PAX2: variants seen among roughly 807,000 people sequenced by gnomAD.
PAX2 encodes the protein paired box 2.
PAX2 carries 9 observed loss-of-function variants against 41.7 expected under a neutral mutation model. The observed-to-expected ratio is 0.22, with a 90% confidence interval of 0.13 to 0.38. PAX2 has a LOEUF of 0.38. Ranked by LOEUF, PAX2 falls within the 10% of genes least tolerant of loss-of-function variation. PAX2 has a pLI of 1.00. For missense variants in PAX2, 418 were observed against 531.6 expected (o/e 0.79, Z 2.10); for synonymous variants, 221 against 212.7 (o/e 1.04, Z -0.34).
intron 5 of PAX2, among the ~76,000 whole-genome samples, chr10:100,803,554 C>A (rs924806225): frequency 2.0e-4 from 30 of 152,084 alleles, no homozygotes; most frequent in Non-Finnish European, 4.4e-5. Context: ...TCTCCTGGGC[C>A]CTGCGGCTCA....
intron 5 of PAX2, among the ~76,000 whole-genome samples, chr10:100,799,271 A>G (rs947320329): frequency 6.6e-6 from 1 of 151,916 alleles, no homozygotes; most frequent in Non-Finnish European, 1.5e-5. Context: ...TTCTTCCCAT[A>G]TCACTTTTTG....
intron 5 of PAX2, among the ~76,000 whole-genome samples, chr10:100,794,013 G>A (rs1847234012): frequency 6.6e-6 from 1 of 152,186 alleles, no homozygotes; most frequent in Non-Finnish European, 1.5e-5. Flanking sequence ...AGCAGGAAAT[G>A]GGGCTTCAGC....
chr10:100,827,498 T>C lies in PAX2; in HGVS notation c.1109-45T>C. The C allele has an allele frequency of 6.3e-7, 1 of 1,589,562 alleles. No homozygotes were observed. The highest frequency in any genetic ancestry group is 8.6e-7 in the Non-Finnish European group (1 of 1,157,772). ...TTTTCTTTCCTTTTTTGTTCTCCTG[T>C]TTGTCCTCTCACCCAGCCCATTCTT... On this transcript the variant is annotated intron_variant, in intron 9 of 9. Coordinates refer to ENST00000355243, the MANE Select transcript of PAX2 (RefSeq NM_000278.5). The surrounding 1 kb of genome is among the most constrained non-coding windows in gnomAD (Gnocchi z 8.5).
rs201381234 is a variant in PAX2, at chr10:100,749,804, C to T, written c.102C>T (p.Pro34=). ...GGVFVNGRPL[P]DVVRQRIVEL... ...TGTTTGTGAACGGCCGGCCCCTACC[C>T]GACGTGGTGAGGCAGCGCATCGTGG... The change falls in exon 2 of 10, where the codon CCC becomes CCT. Residue 34 remains proline (P), a synonymous_variant. Transcript: ENST00000355243. 1.6e-5 allele frequency: 25 copies of T among 1,611,804 alleles called. No homozygotes were observed. Among genetic ancestry groups the T allele is most frequent in the Admixed American group, 1.3e-4 (8 of 59,930 alleles).
At position 100,785,825 on chromosome 10, in the gene PAX2, T is replaced by G. The variant is rs551345677; in HGVS notation, c.616+4460T>G. Among the ~76,000 whole-genome samples the G allele has an allele frequency of 4.6e-5, 7 of 152,240 alleles. No homozygotes were observed. The South Asian group carries it at 1.2e-3, about 27-fold the overall frequency. ...GGCATGGATGGGCAGTGGGGCTCAG[T>G]GGGAATGAATGTGGCCTCTGGAGTG... On this transcript the variant is annotated intron_variant, in intron 5 of 9. Coordinates refer to ENST00000355243, the MANE Select transcript of PAX2 (RefSeq NM_000278.5).
chr10:100,767,039 C>G (rs11190691), intron 3 of PAX2, among the ~76,000 whole-genome samples: 5,177 of 152,236 alleles, frequency 0.034, 304 homozygotes, highest in African/African-American at 0.12. Context: ...CACAAAACAC[C>G]AAGTAACAAA....
At chr10:100,775,322 G>A (rs1038654864) in intron 3 of PAX2, among the ~76,000 whole-genome samples, 13 of 152,216 alleles carry the variant, frequency 8.5e-5, no homozygotes, top group Non-Finnish European at 1.9e-4. Context: ...AGCCCCGAGT[G>A]AAATTGCCAT....
intron 6 of PAX2, 41 bp from the exon 7 acceptor site, chr10:100,809,069 G>C: frequency 6.2e-7 from 1 of 1,602,804 alleles, no homozygotes; most frequent in Non-Finnish European, 8.5e-7. Flanking sequence ...TTCTCTGTGC[G>C]TGCATCAATA....
At chr10:100,817,227 G>A (rs1332082633) in intron 7 of PAX2, among the ~76,000 whole-genome samples, 1 of 152,196 alleles carries the variant, frequency 6.6e-6, no homozygotes, top group African/African-American at 2.4e-5. Context: ...GGACTGGGAA[G>A]TTGCCAACTG....
intron 3 of PAX2, among the ~76,000 whole-genome samples, chr10:100,761,377 G>A (rs545483989): frequency 2.0e-5 from 3 of 152,046 alleles, no homozygotes; most frequent in East Asian, 1.9e-4. Context: ...CCCCACCCTC[G>A]TTTCCTCTGA....
intron 3 of PAX2, among the ~76,000 whole-genome samples, chr10:100,771,428 C>T (rs1846205813): frequency 6.6e-6 from 1 of 152,196 alleles, no homozygotes; most frequent in African/African-American, 2.4e-5. Context: ...CCAGAGGCTA[C>T]AAAAACAGTG....
intron 3 of PAX2, among the ~76,000 whole-genome samples, chr10:100,758,859 C>T (rs1056528151): frequency 5.3e-5 from 8 of 152,246 alleles, no homozygotes; most frequent in African/African-American, 1.9e-4. Flanking sequence ...GGGGATGGGA[C>T]ATTTCCTGGG....
In PAX2 at chr10:100,791,782, C is replaced by A. The variant is rs1847129913; in HGVS notation, c.616+10417C>A. Among the ~76,000 whole-genome samples, 1 of 152,316 alleles carries A rather than the reference C, an allele frequency of 6.6e-6. No individual in the cohort carries two copies. The highest frequency in any genetic ancestry group is 2.1e-4 in the South Asian group (1 of 4,830). The stretch of plus-strand genomic sequence containing the variant: ...GTTCTTTCCTCCTTTCTTCCCTCCT[C>A]ACCTGCCATCTCCATCTCTTTAGGC... On this transcript the variant is annotated intron_variant, in intron 5 of 9. Transcript: ENST00000355243. This position sits in a 1 kb window ranked among gnomAD's most constrained non-coding sequence, Gnocchi z 4.5.
intron 7 of PAX2, among the ~76,000 whole-genome samples, chr10:100,822,610 A>T (rs1190935569): frequency 6.6e-6 from 1 of 152,198 alleles, no homozygotes. Context: ...ATATATTATG[A>T]AATATAATGG....
At chr10:100,800,959 G>C (rs1847541915) in intron 5 of PAX2, among the ~76,000 whole-genome samples, 1 of 152,240 alleles carries the variant, frequency 6.6e-6, no homozygotes, top group Admixed American at 6.5e-5. Context: ...AAAATTGCTT[G>C]TGATTGGGAA....
intron 3 of PAX2, among the ~76,000 whole-genome samples, chr10:100,777,607 C>A (rs573733398): frequency 2.4e-4 from 36 of 152,028 alleles, no homozygotes; most frequent in African/African-American, 8.4e-4. Flanking sequence ...GTTGGCCAGG[C>A]TGGTCTCAAA....
At chr10:100,810,886 C>T (rs1847969716) in intron 7 of PAX2, among the ~76,000 whole-genome samples, 1 of 152,194 alleles carries the variant, frequency 6.6e-6, no homozygotes, top group South Asian at 2.1e-4. Flanking sequence ...GGAACAGTCC[C>T]AGCTCAGCCT....
At position 100,747,673 on chromosome 10, in the gene PAX2, G is replaced by T. The variant is rs1309759249; in HGVS notation, c.43+1370G>T. 2.5e-5 allele frequency: 25 copies of T among 984,408 alleles called. No individual in the cohort carries two copies. The South Asian group carries it at 1.2e-3, about 46-fold the overall frequency. The allele number at this position is 984,408 out of a possible 1,614,324, so 61.0% of individuals were successfully genotyped here. A position where few individuals can be genotyped will look rare whatever the true frequency, so the allele number is the denominator to read the frequency against. ...ATTTAGCGTTGCGGGGGTTGGGGGG[G>T]GCGTTTAAAAATACTTCTGGGATAA... On this transcript the variant is annotated intron_variant, in intron 1 of 9. Coordinates refer to ENST00000355243, the MANE Select transcript of PAX2 (RefSeq NM_000278.5).
At chr10:100,736,433 G>A (rs1029710319) in intron 1 of PAX2, among the ~76,000 whole-genome samples, 3 of 152,182 alleles carry the variant, frequency 2.0e-5, no homozygotes, top group Non-Finnish European at 4.4e-5. Context: ...GTTGTACAGC[G>A]GTGGGAAGCC....
Sources: allele counts gnomAD v4.1 joint callset (sites outside exome capture counted in the v4.1 genomes callset), GRCh38; gene constraint gnomAD v4.1.1; non-coding constraint Gnocchi (gnomAD v3.1); transcripts MANE v1.5; gene names NCBI Gene and HGNC (gene_info 2026-07-23, HGNC 2026-07-21).